The following GFRA2 variants were observed in gnomAD, a reference collection of about 807,000 sequenced individuals.
GFRA2 encodes GDNF family receptor alpha 2, also known as GDNF family receptor alpha-2.
In GFRA2, 17 loss-of-function variants were observed where a neutral mutation model predicts 48.3. That is an observed-to-expected ratio of 0.35 (90% CI 0.24 to 0.53). The LOEUF is 0.53. Ranked by LOEUF, GFRA2 falls within the 20% of genes least tolerant of loss-of-function variation. The pLI is 0.93. For missense variants in GFRA2, 660 were observed against 637.3 expected, an observed-to-expected ratio of 1.04 and a Z score of -0.38; for synonymous variants, 305 against 257.2, an observed-to-expected ratio of 1.19 and a Z score of -1.78.
At chr8:21,709,162 G>A (rs982098594) in intron 4 of GFRA2, among the ~76,000 whole-genome samples, 1 of 152,178 alleles carries the variant, frequency 6.6e-6, no homozygotes, top group Admixed American at 6.5e-5. Flanking sequence ...CAAGCACCAG[G>A]CCTTAGCTCT....
At chr8:21,808,772 G>C (rs917544162) in intron 1 of GFRA2, among the ~76,000 whole-genome samples, 3 of 152,244 alleles carry the variant, frequency 2.0e-5, no homozygotes, top group South Asian at 2.1e-4. Flanking sequence ...TTCAGGGTCT[G>C]AGCTTCCCAC....
At chr8:21,785,054 C>G (rs1215220001) in intron 1 of GFRA2, among the ~76,000 whole-genome samples, 1 of 152,222 alleles carries the variant, frequency 6.6e-6, no homozygotes, top group Non-Finnish European at 1.5e-5. Context: ...GCCCTCCCAC[C>G]TTGACTGAAC....
At chr8:21,718,070 C>T (rs1050233513) in intron 4 of GFRA2, among the ~76,000 whole-genome samples, 4 of 152,148 alleles carry the variant, frequency 2.6e-5, no homozygotes, top group Non-Finnish European at 5.9e-5. Flanking sequence ...AATAATGCTA[C>T]TTAATTGCAT....
intron 2 of GFRA2, among the ~76,000 whole-genome samples, chr8:21,794,267 G>C (rs1385823839): frequency 8.2e-6 from 1 of 122,592 alleles, no homozygotes; most frequent in African/African-American, 3.2e-5. Context: ...TTTTGAAACG[G>C]AGTCTCACTC....
chr8:21,718,252 T>C (rs1417800576), intron 4 of GFRA2, among the ~76,000 whole-genome samples: 1 of 152,166 alleles, frequency 6.6e-6, no homozygotes, highest in Non-Finnish European at 1.5e-5. Flanking sequence ...TAGGGGCAGT[T>C]TTTCTTCACA....
chr8:21,740,797 G>C (rs145369928), intron 4 of GFRA2, among the ~76,000 whole-genome samples: 1 of 152,150 alleles, frequency 6.6e-6, no homozygotes, highest in South Asian at 2.1e-4. Context: ...TTTATCTCCC[G>C]CCAGGCCTTC....
At position 21,694,055 on chromosome 8, in the gene GFRA2, T is replaced by TTA. The variant is rs112398044; in HGVS notation, c.1272+407_1272+408dup. Among the ~76,000 whole-genome samples the TTA allele has an allele frequency of 1.7e-4, 13 of 77,480 alleles. 1 individual carries two copies. Among genetic ancestry groups the TTA allele is most frequent in the Admixed American group, 3.5e-4 (3 of 8,540 alleles). 50.8% of individuals were successfully genotyped at this position (77,480 alleles called of 152,430 possible). A position where few individuals can be genotyped will look rare whatever the true frequency, so the allele number is the denominator to read the frequency against. ...TCATATATATGAGATATATATATAT[T>TTA]TATATATATATTTATTTATTTTTAT... On this transcript the variant is annotated intron_variant, in intron 8 of 8. Transcript: ENST00000524240.
chr8:21,714,030 A>T (rs369763280), intron 4 of GFRA2, among the ~76,000 whole-genome samples: 32 of 152,332 alleles, frequency 2.1e-4, no homozygotes, highest in African/African-American at 7.7e-4. Flanking sequence ...ATCGCCACGG[A>T]GACACACAGT....
At chr8:21,730,806 A>C (rs144094138) in intron 4 of GFRA2, among the ~76,000 whole-genome samples, 57 of 152,270 alleles carry the variant, frequency 3.7e-4, no homozygotes, top group African/African-American at 1.3e-3. Context: ...GTTCTCCTCA[A>C]ATCGTATCTT....
chr8:21,779,407 C>T (rs1381356388), intron 2 of GFRA2: 1 of 151,298 alleles, frequency 6.6e-6, no homozygotes, highest in Non-Finnish European at 1.5e-5. Context: ...GCTAAAAGGC[C>T]CAAGTGCCCC....
At chr8:21,800,317 A>G (rs1807747868) in intron 2 of GFRA2, among the ~76,000 whole-genome samples, 1 of 152,216 alleles carries the variant, frequency 6.6e-6, no homozygotes, top group Non-Finnish European at 1.5e-5. Flanking sequence ...AAAATAATAG[A>G]TGTCTAACTT....
At chr8:21,757,660 T>C (rs1805643055) in intron 3 of GFRA2, among the ~76,000 whole-genome samples, 1 of 152,016 alleles carries the variant, frequency 6.6e-6, no homozygotes, top group Non-Finnish European at 1.5e-5. Flanking sequence ...CACACTCAGC[T>C]AATTATTTTT....
chr8:21,759,884 G>T (rs536335003), intron 3 of GFRA2, among the ~76,000 whole-genome samples: 3 of 108,260 alleles, frequency 2.8e-5, no homozygotes, highest in African/African-American at 8.4e-5. Flanking sequence ...GCAAGATTGC[G>T]TCTCAAAAAA....
At chr8:21,724,338 G>C (rs1803752487) in intron 4 of GFRA2, among the ~76,000 whole-genome samples, 1 of 152,148 alleles carries the variant, frequency 6.6e-6, no homozygotes, top group African/African-American at 2.4e-5. Context: ...TGGGGGGTTG[G>C]TGCGGGGCTG....
intron 4 of GFRA2, among the ~76,000 whole-genome samples, chr8:21,708,280 C>A (rs1049834650): frequency 6.6e-6 from 1 of 152,216 alleles, no homozygotes; most frequent in African/African-American, 2.4e-5. Context: ...GCAGCATTTC[C>A]AAGCAATCCT....
intron 2 of GFRA2, among the ~76,000 whole-genome samples, chr8:21,794,373 C>T (rs1424342784): frequency 1.3e-5 from 2 of 151,354 alleles, no homozygotes; most frequent in African/African-American, 2.4e-5. Context: ...ACCTCAGCCT[C>T]CCAAGTAGCT....
intron 7 of GFRA2, among the ~76,000 whole-genome samples, chr8:21,702,226 C>T (rs1400678755): frequency 3.9e-5 from 6 of 152,156 alleles, no homozygotes; most frequent in Non-Finnish European, 8.8e-5. Flanking sequence ...GTGGAGGGAG[C>T]AGGACATGGA....
At position 21,751,844 on chromosome 8, in the gene GFRA2, C is replaced by T. The variant is rs564976170; in HGVS notation, c.440-902G>A. On this transcript the variant is annotated intron_variant, in intron 3 of 8. Transcript: ENST00000524240. ...CTCTGCACAGCCCTCTGCAGGGTGC[C>T]GTGTTAGATATAAAAGCGCAAGAGG... Among the ~76,000 whole-genome samples the T allele has an allele frequency of 3.9e-5, 6 of 152,188 alleles. No individual in the cohort carries two copies. In the South Asian group the frequency reaches 1.0e-3, roughly 26 times the overall value.
chr8:21,727,383 G>A lies in GFRA2; in HGVS notation c.795-21342C>T, dbSNP rs116419681. On this transcript the variant is annotated intron_variant, in intron 4 of 8. Coordinates refer to ENST00000524240, the MANE Select transcript of GFRA2 (RefSeq NM_001495.5). Reference sequence around the variant, plus strand: ...CTCTGTGTAAGAACAGAGGATTGGGGGTCCCTCAAGTGCAGTCCCCAGGCC... The same window carrying A: ...CTCTGTGTAAGAACAGAGGATTGGGAGTCCCTCAAGTGCAGTCCCCAGGCC... Among the ~76,000 whole-genome samples, 594 of 152,202 alleles carry A rather than the reference G, an allele frequency of 3.9e-3. 3 individuals are homozygous for A. The highest frequency in any genetic ancestry group is 0.014 in the African/African-American group (573 of 41,530).
Sources: allele counts gnomAD v4.1 joint callset (sites outside exome capture counted in the v4.1 genomes callset), GRCh38; gene constraint gnomAD v4.1.1; transcripts MANE v1.5; gene names NCBI Gene and HGNC (gene_info 2026-07-23, HGNC 2026-07-21).